The following SLC24A3 variants were observed in gnomAD, a reference collection of about 807,000 sequenced individuals.
The protein encoded by SLC24A3 is sodium/potassium/calcium exchanger 3.
Under a neutral mutation model 75.8 loss-of-function variants are expected in SLC24A3, and 28 were observed. The ratio of observed to expected loss-of-function variants is 0.37; its 90% CI spans 0.27 to 0.51. SLC24A3 has a LOEUF of 0.51. Among genes scored for constraint, SLC24A3 ranks in the 20% least tolerant of loss-of-function variants. The pLI is 0.94. For missense variants in SLC24A3, 663 were observed against 847.8 expected (o/e 0.78, Z 2.71); for synonymous variants, 372 against 334.1 (o/e 1.11, Z -1.24).
intron 2 of SLC24A3, among the ~76,000 whole-genome samples, chr20:19,286,068 G>A (rs1371088256): frequency 6.6e-6 from 1 of 152,154 alleles, no homozygotes; most frequent in African/African-American, 2.4e-5. Flanking sequence ...TGAGATCACT[G>A]GATTTCCCTT....
At chr20:19,290,265 A>T (rs879266843) in intron 2 of SLC24A3, among the ~76,000 whole-genome samples, 2 of 152,198 alleles carry the variant, frequency 1.3e-5, no homozygotes, top group Non-Finnish European at 2.9e-5. Context: ...ACCCCAGGCC[A>T]GGAAAATCTC....
chr20:19,379,231 C>G (rs1195076790), intron 2 of SLC24A3, among the ~76,000 whole-genome samples: 3 of 152,120 alleles, frequency 2.0e-5, no homozygotes, highest in African/African-American at 7.2e-5. Flanking sequence ...ATGTTCAGAG[C>G]CTCCCCTAAG....
intron 12 of SLC24A3, among the ~76,000 whole-genome samples, chr20:19,687,595 G>C (rs2122745683): frequency 6.6e-6 from 1 of 152,346 alleles, no homozygotes; most frequent in African/African-American, 2.4e-5. Context: ...AGTCGAGCCA[G>C]TGGAAGTTCT....
In SLC24A3 at chr20:19,658,185, C is replaced by A. The variant is rs192889451; in HGVS notation, c.687+4049C>A. Among the ~76,000 whole-genome samples, 204 of 152,266 alleles carry A rather than the reference C, an allele frequency of 1.3e-3. 2 individuals are homozygous for A. Among genetic ancestry groups the A allele is most frequent in the Non-Finnish European group, 2.3e-3 (157 of 68,022 alleles). On this transcript the variant is annotated intron_variant, in intron 7 of 16. Transcript: ENST00000328041. ...CAGCAGAGGGGCCCTGGAGACAAAC[C>A]ATGGGGCCTGGAGACCCACAGAGAG...
chr20:19,721,033 C>T lies in SLC24A3; in HGVS notation c.1828C>T (p.Leu610=). 1 of 1,614,108 alleles carries T rather than the reference C, an allele frequency of 6.2e-7. No homozygotes were observed. Among genetic ancestry groups the T allele is most frequent in the East Asian group, 2.2e-5 (1 of 44,864 alleles). The change falls in exon 17 of 17, where the codon CTG becomes TTG. Residue 610 remains leucine, a synonymous_variant. Transcript: ENST00000328041. ...HLNKWQLDKK[L]GCGCLLLYGV... Reference sequence around the variant, plus strand: ...GAACAAGTGGCAGCTGGACAAGAAGCTGGGCTGTGGGTGCCTCCTCCTGTA... The same window carrying T: ...GAACAAGTGGCAGCTGGACAAGAAGTTGGGCTGTGGGTGCCTCCTCCTGTA...
intron 2 of SLC24A3, among the ~76,000 whole-genome samples, chr20:19,292,071 C>T (rs1983954989): frequency 6.6e-6 from 1 of 152,200 alleles, no homozygotes; most frequent in Non-Finnish European, 1.5e-5. Flanking sequence ...GCATCACAGG[C>T]CTGGGGAGGA....
chr20:19,632,811 T>G (rs2031951329), intron 6 of SLC24A3, among the ~76,000 whole-genome samples: 1 of 152,198 alleles, frequency 6.6e-6, no homozygotes, highest in African/African-American at 2.4e-5. Context: ...CACCCCGTCC[T>G]AGAAAGTCTA....
intron 6 of SLC24A3, among the ~76,000 whole-genome samples, chr20:19,622,285 G>A (rs1055075969): frequency 1.3e-5 from 2 of 152,190 alleles, no homozygotes; most frequent in Non-Finnish European, 2.9e-5. Context: ...CTCACTGGAG[G>A]AATGAGCATG....
chr20:19,536,600 G>T (rs977377694), intron 3 of SLC24A3, among the ~76,000 whole-genome samples: 1 of 152,202 alleles, frequency 6.6e-6, no homozygotes, highest in Admixed American at 6.5e-5. Context: ...AAAGCTGGAG[G>T]CATCACGCTA....
chr20:19,662,591 C>T (rs2032340025), intron 7 of SLC24A3, among the ~76,000 whole-genome samples: 1 of 152,242 alleles, frequency 6.6e-6, no homozygotes, highest in African/African-American at 2.4e-5. Context: ...ACTTAGTGGT[C>T]ATTTGCAGGA....
intron 1 of SLC24A3, among the ~76,000 whole-genome samples, chr20:19,249,000 C>A (rs1982574429): frequency 6.6e-6 from 1 of 151,074 alleles, no homozygotes; most frequent in Non-Finnish European, 1.5e-5. Context: ...AAGGAATGGG[C>A]AGATGTTGGT....
chr20:19,632,125 A>C (rs1377605255), intron 6 of SLC24A3, among the ~76,000 whole-genome samples: 1 of 152,156 alleles, frequency 6.6e-6, no homozygotes. Context: ...TCTCAGGAAA[A>C]GAATTGGAAC....
chr20:19,639,403 C>T (rs1000993650), intron 6 of SLC24A3, among the ~76,000 whole-genome samples: 2 of 151,972 alleles, frequency 1.3e-5, no homozygotes, highest in Non-Finnish European at 2.9e-5. Flanking sequence ...TACAGAGTGT[C>T]GATTGGTGCA....
In SLC24A3 at chr20:19,409,507, G is replaced by A. The variant is rs1459850759; in HGVS notation, c.272-105981G>A. ...AAAGGTTCTGAGCACCTTTGTGGAT[G>A]AGCCACTGAGTCAGAAAGACTGCAG... On this transcript the variant is annotated intron_variant, in intron 2 of 16. Transcript: ENST00000328041. Among the ~76,000 whole-genome samples the A allele has an allele frequency of 2.0e-5, 3 of 152,110 alleles. No homozygotes were observed. In the South Asian group the frequency reaches 6.2e-4, roughly 31 times the overall value.
At chr20:19,313,306 A>T (rs977091507) in intron 2 of SLC24A3, among the ~76,000 whole-genome samples, 8 of 152,156 alleles carry the variant, frequency 5.3e-5, no homozygotes, top group African/African-American at 1.7e-4. Context: ...AAGTGCTGGG[A>T]TTACAGGCAT....
At chr20:19,416,576 T>A (rs1250987447) in intron 2 of SLC24A3, among the ~76,000 whole-genome samples, 1 of 152,218 alleles carries the variant, frequency 6.6e-6, no homozygotes, top group Non-Finnish European at 1.5e-5. Flanking sequence ...AGCCGGTGCC[T>A]TGTCCTGCTG....
At chr20:19,343,335 G>A (rs964756179) in intron 2 of SLC24A3, among the ~76,000 whole-genome samples, 6 of 152,124 alleles carry the variant, frequency 3.9e-5, no homozygotes, top group African/African-American at 9.7e-5. Context: ...CCTTGGGCAA[G>A]TCAGTTTACA....
At chr20:19,419,653 C>T (rs1384665276) in intron 2 of SLC24A3, among the ~76,000 whole-genome samples, 1 of 152,034 alleles carries the variant, frequency 6.6e-6, no homozygotes, top group Non-Finnish European at 1.5e-5. Flanking sequence ...AAAGGGTGTG[C>T]AGCCTCCTGG....
In SLC24A3 at chr20:19,247,556, C is replaced by T. The variant is rs142109011; in HGVS notation, c.143-33403C>T. 2.4e-4 allele frequency among the ~76,000 whole-genome samples: 36 copies of T among 152,216 alleles called. No homozygotes were observed. In the East Asian group the frequency reaches 6.4e-3, roughly 27 times the overall value. On this transcript the variant is annotated intron_variant, in intron 1 of 16. Transcript: ENST00000328041. ...CATTTCTAGAGGCAGCAGACAGTTCCCAATTCTCTCTGGTTTGGTAGCCAA... is the reference window on the plus strand; with the variant it reads ...CATTTCTAGAGGCAGCAGACAGTTCTCAATTCTCTCTGGTTTGGTAGCCAA...
Sources: gnomAD v4.1 joint callset for allele counts (sites outside exome capture counted in the v4.1 genomes callset) on GRCh38, gnomAD v4.1.1 for gene constraint, MANE v1.5 for transcripts, NCBI Gene and HGNC (gene_info 2026-07-23, HGNC 2026-07-21) for gene names.